ZNF536: variants seen among roughly 807,000 people sequenced by gnomAD.
ZNF536 encodes zinc finger protein 536.
A neutral mutation model predicts 84.5 loss-of-function variants in ZNF536; 13 were observed. That is an observed-to-expected ratio of 0.15 (90% CI 0.10 to 0.24). The LOEUF (loss-of-function observed/expected upper bound fraction) is 0.24, where lower values mean the gene tolerates loss of function less well. Among genes scored for constraint, ZNF536 ranks in the 10% least tolerant of loss-of-function variants. ZNF536 has a pLI of 1.00. For missense variants in ZNF536, 1,536 were observed against 1,747.5 expected, an observed-to-expected ratio of 0.88 and a Z score of 2.16; for synonymous variants, 811 against 742.5, an observed-to-expected ratio of 1.09 and a Z score of -1.50.
chr19:30,337,031 A>G (rs980263158), intron 2 of ZNF536, among the ~76,000 whole-genome samples: 13 of 151,024 alleles, frequency 8.6e-5, no homozygotes, highest in Non-Finnish European at 1.8e-4. Context: ...CTCCTGCAAC[A>G]TGGGCTATCT....
intron 1 of ZNF536, among the ~76,000 whole-genome samples, chr19:30,663,532 A>G (rs1247586767): frequency 6.6e-6 from 1 of 152,228 alleles, no homozygotes. Context: ...TGCATTCAGG[A>G]GTTGCTAAAT....
intron 2 of ZNF536, among the ~76,000 whole-genome samples, chr19:30,291,003 G>T (rs1482978700): frequency 2.0e-5 from 3 of 152,142 alleles, no homozygotes; most frequent in Non-Finnish European, 2.9e-5. Flanking sequence ...CCATGTCCCT[G>T]CAAAGGACAT....
intron 3 of ZNF536, among the ~76,000 whole-genome samples, chr19:30,356,747 C>T (rs2048107641): frequency 6.6e-6 from 1 of 152,208 alleles, no homozygotes; most frequent in Admixed American, 6.5e-5. Flanking sequence ...AGCTCATTCT[C>T]GCATGTGCAT....
At chr19:30,454,028 A>G (rs1349610392) in intron 2 of ZNF536, among the ~76,000 whole-genome samples, 2 of 152,218 alleles carry the variant, frequency 1.3e-5, no homozygotes, top group African/African-American at 4.8e-5. Context: ...GCTGCCTCCA[A>G]TGTGGGCATG....
At chr19:30,452,726 A>G (rs930105078) in intron 2 of ZNF536, among the ~76,000 whole-genome samples, 22 of 152,242 alleles carry the variant, frequency 1.4e-4, no homozygotes, top group African/African-American at 5.1e-4. Flanking sequence ...TGCAGAGATC[A>G]GGAGATTGGA....
rs147127257 is a variant in ZNF536 at position 30,363,177 on chromosome 19, G to T, written c.-3+10693G>T. ...TGGGACAAGCTCCCTGGAACTCTAG[G>T]CTGACAAAAGGAGGGGGACACAGTA... is the stretch of plus-strand genomic sequence containing the variant. On this transcript the variant is annotated intron_variant, in intron 3 of 5. Coordinates refer to the ZNF536 transcript ENST00000585628. Among the ~76,000 whole-genome samples the T allele has an allele frequency of 2.6e-5, 4 of 152,168 alleles. No individual in the cohort carries two copies. The East Asian group carries it at 7.7e-4, about 29-fold the overall frequency.
intron 1 of ZNF536, among the ~76,000 whole-genome samples, chr19:30,430,613 G>A (rs1007804254): frequency 1.7e-4 from 26 of 152,208 alleles, no homozygotes; most frequent in Non-Finnish European, 8.8e-5. Flanking sequence ...GGGGCAAGGA[G>A]GGATTGCAGA....
At chr19:30,457,943 T>C (rs1392759739) in intron 2 of ZNF536, among the ~76,000 whole-genome samples, 1 of 152,130 alleles carries the variant, frequency 6.6e-6, no homozygotes, top group African/African-American at 2.4e-5. Context: ...CCTCTTCTTT[T>C]TGGGTGGTGG....
At chr19:30,400,266 G>A (rs1479596831) in intron 1 of ZNF536, among the ~76,000 whole-genome samples, 1 of 152,074 alleles carries the variant, frequency 6.6e-6, no homozygotes, top group Non-Finnish European at 1.5e-5. Flanking sequence ...AGATCGTATG[G>A]TAAGGGTATG....
At chr19:30,270,184 G>A (rs1045309672) in intron 1 of ZNF536, among the ~76,000 whole-genome samples, 13 of 152,118 alleles carry the variant, frequency 8.5e-5, no homozygotes, top group Non-Finnish European at 1.8e-4. Context: ...CCCACCAGCC[G>A]ACAATTCTTC....
chr19:30,651,653 TAA>T, intron 1 of ZNF536, among the ~76,000 whole-genome samples: 1 of 152,328 alleles, frequency 6.6e-6, no homozygotes, highest in Middle Eastern at 3.4e-3. Context: ...CCAATTTCTG[TAA>T]AGATGCCATA....
chr19:30,379,205 G>A (rs1052332218), intron 1 of ZNF536, among the ~76,000 whole-genome samples: 2 of 152,198 alleles, frequency 1.3e-5, no homozygotes, highest in Non-Finnish European at 2.9e-5. Flanking sequence ...GGGAAGGTTT[G>A]AGTAAGGCAT....
At chr19:30,485,850 A>T (rs544613952) in intron 2 of ZNF536, among the ~76,000 whole-genome samples, 29 of 152,024 alleles carry the variant, frequency 1.9e-4, no homozygotes, top group Non-Finnish European at 3.4e-4. Context: ...TTAATTTGGG[A>T]TACCTCATTA....
intron 1 of ZNF536, among the ~76,000 whole-genome samples, chr19:30,669,789 G>GA (rs1383100182): frequency 6.6e-6 from 1 of 152,212 alleles, no homozygotes; most frequent in East Asian, 1.9e-4. Context: ...CCTATTGTTG[G>GA]AAAAAATTAA....
intron 1 of ZNF536, among the ~76,000 whole-genome samples, chr19:30,670,147 G>A (rs1188870266): frequency 6.6e-6 from 1 of 152,198 alleles, no homozygotes; most frequent in Non-Finnish European, 1.5e-5. Flanking sequence ...GGAGGGGTAC[G>A]TGGGAGGCTT....
At chr19:30,367,936 C>T (rs561000421), upstream of ZNF536, among the ~76,000 whole-genome samples, 2 of 152,194 alleles carry the variant, frequency 1.3e-5, no homozygotes, top group Admixed American at 6.5e-5. Context: ...AGGCTAAGCA[C>T]AGCATTTTCT....
chr19:30,610,192 C>G (rs2048055108), intron 1 of ZNF536, among the ~76,000 whole-genome samples: 1 of 152,232 alleles, frequency 6.6e-6, no homozygotes, highest in East Asian at 1.9e-4. Flanking sequence ...CCTTACAACA[C>G]ATTTTCTCAT....
At position 30,686,808 on chromosome 19, in the gene ZNF536, G is replaced by C. The variant is rs564008479; in HGVS notation, c.170-23949G>C. 1.6e-4 allele frequency among the ~76,000 whole-genome samples: 24 copies of C among 151,742 alleles called. No homozygotes were observed. In the East Asian group the frequency reaches 3.1e-3, roughly 20 times the overall value. On this transcript the variant is annotated intron_variant, in intron 1 of 1. Transcript: ENST00000592773. ...CCCCCACTCCCCCCATCCAGTAAAT[G>C]CATCTTTGTGCAACTCTCAGTCTCC...
At chr19:30,560,176 T>C (rs933070724), downstream of ZNF536, among the ~76,000 whole-genome samples, 2 of 152,010 alleles carry the variant, frequency 1.3e-5, no homozygotes, top group Non-Finnish European at 2.9e-5. Context: ...GCCAACTTCA[T>C]TTTACAGCTC....
Sources: gnomAD v4.1 joint callset for allele counts (sites outside exome capture counted in the v4.1 genomes callset) on GRCh38, gnomAD v4.1.1 for gene constraint, MANE v1.5 for transcripts, NCBI Gene and HGNC (gene_info 2026-07-23, HGNC 2026-07-21) for gene names.